Variants in SEMA5B observed in about 807,000 individuals in gnomAD.
SEMA5B encodes the protein semaphorin-5B.
In SEMA5B, 66 loss-of-function variants were observed where a neutral mutation model predicts 135.0. The ratio of observed to expected loss-of-function variants is 0.49; its 90% CI spans 0.40 to 0.60. SEMA5B has a LOEUF of 0.60. SEMA5B is among the 20% of genes least tolerant of loss of function. The pLI is 0.00. For synonymous variants in SEMA5B, 690 were observed against 639.5 expected, an observed-to-expected ratio of 1.08 and a Z score of -1.19; for missense variants, 1,501 against 1,566.3, an observed-to-expected ratio of 0.96 and a Z score of 0.70.
At chr3:122,919,092 G>A (rs1315739530) in intron 12 of SEMA5B, among the ~76,000 whole-genome samples, 1 of 150,508 alleles carries the variant, frequency 6.6e-6, no homozygotes, top group Non-Finnish European at 1.5e-5. Context: ...GACAGAGATG[G>A]ATGGTGGAAG....
chr3:123,018,385 C>G (rs1016532184), intron 1 of SEMA5B, among the ~76,000 whole-genome samples: 1 of 152,214 alleles, frequency 6.6e-6, no homozygotes, highest in Non-Finnish European at 1.5e-5. Flanking sequence ...CCACAGTCAC[C>G]CTCAGCGTTT....
chr3:123,013,959 G>C (rs1442056209), intron 1 of SEMA5B, among the ~76,000 whole-genome samples: 1 of 152,250 alleles, frequency 6.6e-6, no homozygotes, highest in Non-Finnish European at 1.5e-5. Flanking sequence ...GGAAGGAAAC[G>C]GTGAGAGGAG....
intron 3 of SEMA5B, among the ~76,000 whole-genome samples, chr3:122,945,899 C>T (rs1300984268): frequency 6.6e-6 from 1 of 151,150 alleles, no homozygotes; most frequent in African/African-American, 2.4e-5. Context: ...AGCCCTCACC[C>T]ACATGGGCAA....
At chr3:123,018,433 C>A (rs1273531915) in intron 1 of SEMA5B, among the ~76,000 whole-genome samples, 3 of 152,224 alleles carry the variant, frequency 2.0e-5, no homozygotes, top group Non-Finnish European at 4.4e-5. Context: ...TTCACCAGAC[C>A]TTTTGTGGCT....
At position 122,976,551 on chromosome 3, in the gene SEMA5B, C is replaced by T. The variant is rs114225374; in HGVS notation, c.-38-15250G>A. Among the ~76,000 whole-genome samples the T allele has an allele frequency of 6.8e-3, 1,035 of 152,256 alleles. 14 individuals carry two copies. The highest frequency in any genetic ancestry group is 0.023 in the African/African-American group (971 of 41,540). ...TTTTTGTCTCCCAACATTTTATTAT[C>T]AATATTTTCAAACATACAAAACAGT... is the stretch of plus-strand genomic sequence containing the variant. On this transcript the variant is annotated intron_variant, in intron 1 of 22. Coordinates refer to ENST00000357599, the MANE Select transcript of SEMA5B (RefSeq NM_001031702.4).
At chr3:122,942,762 C>G (rs553022563) in intron 4 of SEMA5B, among the ~76,000 whole-genome samples, 2 of 152,274 alleles carry the variant, frequency 1.3e-5, no homozygotes, top group African/African-American at 4.8e-5. Flanking sequence ...GAGAAGGACC[C>G]AAGAATCTGC....
intron 1 of SEMA5B, among the ~76,000 whole-genome samples, chr3:123,008,268 A>G (rs981047806): frequency 1.3e-5 from 2 of 152,238 alleles, no homozygotes; most frequent in Non-Finnish European, 2.9e-5. Context: ...TCTGGCCTCT[A>G]ATCAATAATA....
In SEMA5B at chr3:122,996,676, C is replaced by T. The variant is rs184295079; in HGVS notation, c.-39+30788G>A. ...TCTGTCAAGGGCTTTCTTTTATAAC[C>T]GTGCACCCCTCACACCAGCCTCCTC... On this transcript the variant is annotated intron_variant, in intron 1 of 22. Coordinates refer to ENST00000357599, the MANE Select transcript of SEMA5B (RefSeq NM_001031702.4). 9.8e-4 allele frequency among the ~76,000 whole-genome samples: 150 copies of T among 152,308 alleles called. 2 individuals are homozygous for T. The East Asian group carries it at 0.024, about 24-fold the overall frequency.
At chr3:123,012,235 A>G (rs1272692740) in intron 1 of SEMA5B, among the ~76,000 whole-genome samples, 1 of 152,140 alleles carries the variant, frequency 6.6e-6, no homozygotes, top group Non-Finnish European at 1.5e-5. Flanking sequence ...GTCCTCATAC[A>G]TGGTAGTTGT....
In SEMA5B at chr3:122,913,413, C is replaced by A. The variant is rs768938119; in HGVS notation, c.2292G>T (p.Thr764=). The stretch of plus-strand genomic sequence containing the variant: ...CTTCGGGGCAGCCCTCGGGGTTGCA[C>A]GTCTTGAACTCCTGCGGGTGGCGGC... ...SCLGCGVEFK[T]CNPEGCPEVR... Residue 764 remains threonine, a synonymous_variant, in exon 17 of 23, where the codon ACG becomes ACT. Coordinates refer to ENST00000357599, the MANE Select transcript of SEMA5B (RefSeq NM_001031702.4). 1.3e-6 allele frequency: 2 copies of A among 1,570,664 alleles called. No individual in the cohort carries two copies. The highest frequency in any genetic ancestry group is 1.7e-6 in the Non-Finnish European group (2 of 1,162,324).
Position 122,970,712 on chromosome 3 carries a change from C to T in SEMA5B, c.-38-9411G>A, listed in dbSNP as rs536959387. Among the ~76,000 whole-genome samples, 50 of 152,294 alleles carry T rather than the reference C, an allele frequency of 3.3e-4. No individual in the cohort carries two copies. In the South Asian group the frequency reaches 4.1e-3, roughly 13 times the overall value. The stretch of plus-strand genomic sequence containing the variant: ...CCTTCCTGCAAGGTAGGTATTATTG[C>T]CCCTACTTTACTGCTGAGGATCTAA... On this transcript the variant is annotated intron_variant, in intron 1 of 22. Coordinates refer to ENST00000357599, the MANE Select transcript of SEMA5B (RefSeq NM_001031702.4).
chr3:122,964,661 C>A (rs55894800), intron 1 of SEMA5B, among the ~76,000 whole-genome samples: 36,430 of 152,008 alleles, frequency 0.24, 4,865 homozygotes, highest in East Asian at 0.52. Flanking sequence ...ACAAGGGAAC[C>A]CGCTCTTCCT....
intron 2 of SEMA5B, 152 bp from the exon 3 acceptor site, chr3:122,948,861 C>G (rs116511162): frequency 1.5e-5 from 9 of 619,280 alleles, no homozygotes; most frequent in Non-Finnish European, 2.5e-5. Context: ...CTAGTAAATG[C>G]GAAGATATAG....
intron 1 of SEMA5B, among the ~76,000 whole-genome samples, chr3:122,985,846 G>T (rs1325207096): frequency 6.6e-6 from 1 of 152,164 alleles, no homozygotes; most frequent in East Asian, 1.9e-4. Context: ...GCCATATTTG[G>T]AAAAACATAG....
intron 1 of SEMA5B, among the ~76,000 whole-genome samples, chr3:123,024,246 C>T (rs1245593462): frequency 6.6e-6 from 1 of 152,146 alleles, no homozygotes; most frequent in Non-Finnish European, 1.5e-5. Flanking sequence ...CATCATCTTC[C>T]TAAATACACA....
At chr3:123,012,943 T>A (rs997830168) in intron 1 of SEMA5B, among the ~76,000 whole-genome samples, 9 of 152,244 alleles carry the variant, frequency 5.9e-5, no homozygotes, top group African/African-American at 2.2e-4. Flanking sequence ...TGGAGAGGTG[T>A]CCTTAGAGAC....
intron 1 of SEMA5B, among the ~76,000 whole-genome samples, chr3:122,964,725 T>A (rs1227721897): frequency 6.6e-6 from 1 of 152,140 alleles, no homozygotes; most frequent in Non-Finnish European, 1.5e-5. Context: ...CAAGGCCCCA[T>A]TGAACAAATG....
intron 1 of SEMA5B, among the ~76,000 whole-genome samples, chr3:123,025,190 C>T (rs947759674): frequency 4.6e-5 from 7 of 152,288 alleles, no homozygotes; most frequent in East Asian, 1.9e-4. Flanking sequence ...AACTTTTTCC[C>T]CTCCCTAGTG....
At position 122,983,716 on chromosome 3, in the gene SEMA5B, CAAAAAAAAA is replaced by C. The variant is rs57975297; in HGVS notation, c.-38-22424_-38-22416del. Among the ~76,000 whole-genome samples, 74 of 53,414 alleles carry C rather than the reference CAAAAAAAAA, an allele frequency of 1.4e-3. 2 individuals carry two copies. Among genetic ancestry groups the C allele is most frequent in the Admixed American group, 3.1e-3 (12 of 3,924 alleles). The allele number at this position is 53,414 out of a possible 152,430, so 35.0% of individuals were successfully genotyped here. ...CTGGGCGACAGAGCGAGACTCGTCT[CAAAAAAAAA>C]AAAAAAAAAAAAAAAAAAAAAAAAA... On this transcript the variant is annotated intron_variant, in intron 1 of 22. Transcript: ENST00000357599.
Sources: gnomAD v4.1 joint callset for allele counts (sites outside exome capture counted in the v4.1 genomes callset) on GRCh38, gnomAD v4.1.1 for gene constraint, MANE v1.5 for transcripts, NCBI Gene and HGNC (gene_info 2026-07-23, HGNC 2026-07-21) for gene names.